Variants in GRM8 observed in about 807,000 individuals in gnomAD.
GRM8 encodes the protein metabotropic glutamate receptor 8.
GRM8 carries 47 observed loss-of-function variants against 87.2 expected under a neutral mutation model. That is an observed-to-expected ratio of 0.54 (90% CI 0.43 to 0.69). The LOEUF (loss-of-function observed/expected upper bound fraction) is 0.69. GRM8 is among the 30% of genes least tolerant of loss of function. GRM8 has a pLI of 0.00. For missense variants in GRM8, 1,019 were observed against 1,139.2 expected, an observed-to-expected ratio of 0.89 and a Z score of 1.52; for synonymous variants, 396 against 404.5, an observed-to-expected ratio of 0.98 and a Z score of 0.25.
intron 6 of GRM8, among the ~76,000 whole-genome samples, chr7:126,876,559 A>G (rs1799539124): frequency 6.6e-6 from 1 of 152,164 alleles, no homozygotes; most frequent in African/African-American, 2.4e-5. Flanking sequence ...GGTATCCATG[A>G]GGATACTCCT....
At chr7:126,673,030 G>T (rs929654791) in intron 7 of GRM8, among the ~76,000 whole-genome samples, 1 of 152,100 alleles carries the variant, frequency 6.6e-6, no homozygotes, top group African/African-American at 2.4e-5. Context: ...GGTGGGAGGG[G>T]GTGCCTGGAG....
At chr7:126,628,069 C>T (rs1206413123) in intron 7 of GRM8, among the ~76,000 whole-genome samples, 1 of 151,948 alleles carries the variant, frequency 6.6e-6, no homozygotes, top group African/African-American at 2.4e-5. Context: ...GTTCGAGACA[C>T]AGCCTCGCTC....
intron 3 of GRM8, among the ~76,000 whole-genome samples, chr7:126,914,144 AC>A (rs1383136604): frequency 6.6e-6 from 1 of 152,198 alleles, no homozygotes; most frequent in Admixed American, 6.5e-5. Flanking sequence ...AAGAAGACAT[AC>A]AGGTGGCTAA....
intron 2 of GRM8, among the ~76,000 whole-genome samples, chr7:127,175,055 T>G (rs961322262): frequency 1.3e-5 from 2 of 152,162 alleles, no homozygotes; most frequent in African/African-American, 4.8e-5. Context: ...TAATTTTACA[T>G]GCACTAGAAA....
intron 7 of GRM8, among the ~76,000 whole-genome samples, chr7:126,679,676 G>A (rs1019380418): frequency 6.6e-6 from 1 of 152,122 alleles, no homozygotes; most frequent in African/African-American, 2.4e-5. Flanking sequence ...CATAAAATAG[G>A]GTGATGAAAC....
At chr7:127,072,926 C>T (rs1276848840) in intron 3 of GRM8, among the ~76,000 whole-genome samples, 1 of 151,922 alleles carries the variant, frequency 6.6e-6, no homozygotes, top group Admixed American at 6.6e-5. Flanking sequence ...AAAGCTAGCC[C>T]ACCTCTCTTT....
At chr7:126,506,743 C>T (rs1810532340) in intron 9 of GRM8, among the ~76,000 whole-genome samples, 1 of 151,708 alleles carries the variant, frequency 6.6e-6, no homozygotes, top group South Asian at 2.1e-4. Context: ...CACACCAGTG[C>T]ACTCTAGCCT....
At chr7:126,739,137 A>G (rs1279990054) in intron 7 of GRM8, among the ~76,000 whole-genome samples, 2 of 152,016 alleles carry the variant, frequency 1.3e-5, no homozygotes, top group African/African-American at 4.8e-5. Flanking sequence ...AGAAAGAAGA[A>G]TGCAGACATC....
intron 3 of GRM8, among the ~76,000 whole-genome samples, chr7:126,990,334 T>TAAA (rs377180747): frequency 2.1e-5 from 3 of 142,942 alleles, no homozygotes; most frequent in African/African-American, 7.6e-5. Context: ...CTTTCATGAT[T>TAAA]AAAAAAAAAA....
chr7:126,959,867 A>G (rs1374823928), intron 3 of GRM8, among the ~76,000 whole-genome samples: 1 of 152,232 alleles, frequency 6.6e-6, no homozygotes, highest in Non-Finnish European at 1.5e-5. Flanking sequence ...TGTTAGCTGC[A>G]TGGCACTGAA....
intron 3 of GRM8, among the ~76,000 whole-genome samples, chr7:127,070,526 C>T (rs1237651169): frequency 5.9e-5 from 9 of 152,130 alleles, no homozygotes; most frequent in South Asian, 2.1e-4. Context: ...ATAACTCTTC[C>T]TAAACCTTGT....
intron 2 of GRM8, among the ~76,000 whole-genome samples, chr7:127,241,756 A>T (rs1413906305): frequency 2.6e-5 from 4 of 152,176 alleles, no homozygotes; most frequent in Admixed American, 1.3e-4. Flanking sequence ...TTCACAATAT[A>T]AAACAAAGGC....
intron 7 of GRM8, among the ~76,000 whole-genome samples, chr7:126,694,551 C>CT (rs1437421464): frequency 6.6e-6 from 1 of 152,056 alleles, no homozygotes; most frequent in African/African-American, 2.4e-5. Context: ...TTTTTCTTCT[C>CT]TTTTTTGCAA....
intron 3 of GRM8, among the ~76,000 whole-genome samples, chr7:127,008,084 G>A (rs1047543583): frequency 6.6e-6 from 1 of 151,884 alleles, no homozygotes; most frequent in Non-Finnish European, 1.5e-5. Flanking sequence ...AGACAAGCAA[G>A]CAGAGGAAAG....
rs1808096990 is a variant in GRM8 at position 126,685,653 on chromosome 7, C to T, written c.1358-76155G>A. Among the ~76,000 whole-genome samples the T allele has an allele frequency of 6.6e-6, 1 of 152,138 alleles. No homozygotes were observed. Among genetic ancestry groups the T allele is most frequent in the Non-Finnish European group, 1.5e-5 (1 of 68,012 alleles). ...CTCAGGGCAGCAGTGACCCACCAAC[C>T]CCTTGCTGCCTCGGCTCCCTCTAAA... is the stretch of plus-strand genomic sequence containing the variant. On this transcript the variant is annotated intron_variant, in intron 7 of 10. Transcript: ENST00000339582. This position sits in a 1 kb window ranked among gnomAD's most constrained non-coding sequence, Gnocchi z 4.2.
intron 6 of GRM8, among the ~76,000 whole-genome samples, chr7:126,848,045 T>C (rs998735480): frequency 6.6e-6 from 1 of 152,318 alleles, no homozygotes; most frequent in East Asian, 1.9e-4. Flanking sequence ...GAAATTATCA[T>C]GGTGAGAACT....
intron 3 of GRM8, among the ~76,000 whole-genome samples, chr7:127,082,654 T>C (rs1039646070): frequency 6.6e-6 from 1 of 152,250 alleles, no homozygotes; most frequent in Non-Finnish European, 1.5e-5. Context: ...GTAACAATCT[T>C]AGCTGTTATT....
intron 3 of GRM8, among the ~76,000 whole-genome samples, chr7:126,949,540 A>G (rs1157697642): frequency 6.6e-6 from 1 of 152,226 alleles, no homozygotes; most frequent in East Asian, 1.9e-4. Context: ...CAAAAGCAGT[A>G]TGCCTATCTC....
intron 8 of GRM8, among the ~76,000 whole-genome samples, chr7:126,603,537 G>T (rs1473966634): frequency 6.6e-6 from 1 of 151,814 alleles, no homozygotes. Flanking sequence ...CTTCAGCAAA[G>T]TCTCAGGATA....
Sources: gnomAD v4.1 joint callset for allele counts (sites outside exome capture counted in the v4.1 genomes callset) on GRCh38, gnomAD v4.1.1 for gene constraint, Gnocchi (gnomAD v3.1) non-coding constraint, MANE v1.5 for transcripts, NCBI Gene and HGNC (gene_info 2026-07-23, HGNC 2026-07-21) for gene names.